ELF1: variants seen among roughly 807,000 people sequenced by gnomAD.
ELF1 encodes ETS-related transcription factor Elf-1.
In ELF1, 24 loss-of-function variants were observed where a neutral mutation model predicts 59.9. The ratio of observed to expected loss-of-function variants is 0.40; its 90% CI spans 0.29 to 0.56. The LOEUF is 0.56. Among genes scored for constraint, ELF1 ranks in the 20% least tolerant of loss-of-function variants. The pLI, the probability that ELF1 is intolerant of heterozygous loss-of-function variation, is 0.44. For missense variants in ELF1, 627 were observed against 742.2 expected, an observed-to-expected ratio of 0.84 and a Z score of 1.80; for synonymous variants, 248 against 266.2, an observed-to-expected ratio of 0.93 and a Z score of 0.67.
chr13:40,977,964 T>C (rs969808620), intron 2 of ELF1, among the ~76,000 whole-genome samples: 1 of 152,180 alleles, frequency 6.6e-6, no homozygotes, highest in African/African-American at 2.4e-5. Flanking sequence ...ATTCAATAAA[T>C]GGTGAAGGGC....
intron 1 of ELF1, among the ~76,000 whole-genome samples, chr13:41,026,515 T>C (rs1304991334): frequency 6.6e-6 from 1 of 152,204 alleles, no homozygotes; most frequent in Non-Finnish European, 1.5e-5. Context: ...CCAATGGTAC[T>C]TGAGGTATCA....
chr13:40,941,219 T>C lies in ELF1; in HGVS notation c.958A>G (p.Thr320Ala), dbSNP rs1566165422. The change falls in exon 8 of 9, where the codon ACT (threonine) becomes GCT (alanine). Residue 320 changes from threonine to alanine, a missense_variant. Around this residue, in one of 3 missense-constraint regions of ELF1, gnomAD observed 361 missense variants for 396.1 expected, o/e 0.91. Coordinates refer to ENST00000239882, the MANE Select transcript of ELF1 (RefSeq NM_172373.4). ...CGGCTGGTTTGATTCCTATTTGAAG[T>C]GGCTGATGAAGATAGCGATGGATCT... ...SSDPSLSSSA[T>A]SNRNQTSRSR... The C allele has an allele frequency of 1.9e-6, 3 of 1,614,218 alleles. No individual in the cohort carries two copies. The highest frequency in any genetic ancestry group is 3.3e-5 in the Admixed American group (2 of 60,026).
At chr13:40,997,250 ATTATT>A (rs1401879494) in intron 1 of ELF1, among the ~76,000 whole-genome samples, 1 of 151,838 alleles carries the variant, frequency 6.6e-6, no homozygotes, top group African/African-American at 2.4e-5. Context: ...TTCTTCATTT[ATTATT>A]TTAATCTTTT....
At position 40,975,998 on chromosome 13, in the gene ELF1, G is replaced by C. The variant is rs146184571; in HGVS notation, c.72+5985C>G. 2.7e-3 allele frequency among the ~76,000 whole-genome samples: 418 copies of C among 152,264 alleles called. 1 individual carries two copies. The highest frequency in any genetic ancestry group is 6.8e-3 in the Middle Eastern group (2 of 294). On this transcript the variant is annotated intron_variant, in intron 2 of 8. Transcript: ENST00000239882. ...TATATGAAAATTTAAGATGGCAAAC[G>C]TGAGACTGATAATAAGCAACATAGA...
chr13:40,955,862 C>G (rs568856884), intron 3 of ELF1, among the ~76,000 whole-genome samples: 3 of 116,612 alleles, frequency 2.6e-5, no homozygotes, highest in African/African-American at 7.3e-5. Context: ...AGAGAGGAGC[C>G]CCTCCGCCCG....
At chr13:40,989,544 ATTT>A (rs1333420999) in intron 1 of ELF1, among the ~76,000 whole-genome samples, 1 of 152,114 alleles carries the variant, frequency 6.6e-6, no homozygotes, top group East Asian at 1.9e-4. Flanking sequence ...GCATTCTTTT[ATTT>A]TTTAATTAAT....
At chr13:41,034,617 A>G (rs1876298021) in intron 1 of ELF1, among the ~76,000 whole-genome samples, 1 of 152,170 alleles carries the variant, frequency 6.6e-6, no homozygotes, top group African/African-American at 2.4e-5. Flanking sequence ...CTAAGATTAT[A>G]TGTTATCTGA....
At chr13:41,059,800 C>T (rs530337723) in intron 1 of ELF1, among the ~76,000 whole-genome samples, 1 of 152,288 alleles carries the variant, frequency 6.6e-6, no homozygotes, top group South Asian at 2.1e-4. Context: ...ACGTCCCCTC[C>T]CCAGTCTCCA....
At chr13:40,936,284 T>C (rs1369471071) in intron 8 of ELF1, among the ~76,000 whole-genome samples, 1 of 151,952 alleles carries the variant, frequency 6.6e-6, no homozygotes, top group Non-Finnish European at 1.5e-5. Flanking sequence ...TAAAGATGAG[T>C]ATTTATTATT....
At chr13:40,939,679 T>C (rs899394442) in intron 8 of ELF1, among the ~76,000 whole-genome samples, 11 of 152,108 alleles carry the variant, frequency 7.2e-5, no homozygotes, top group African/African-American at 1.2e-4. Context: ...ATCTAAAATA[T>C]GAAACTTTTT....
intron 1 of ELF1, among the ~76,000 whole-genome samples, chr13:41,031,818 CAAAA>C (rs3072004): frequency 4.9e-5 from 4 of 82,190 alleles, no homozygotes; most frequent in East Asian, 3.2e-4. Context: ...GACTCCGTGT[CAAAA>C]AAAAAAAAAA....
intron 1 of ELF1, among the ~76,000 whole-genome samples, chr13:41,042,009 A>G (rs1244972198): frequency 6.6e-6 from 1 of 151,970 alleles, no homozygotes; most frequent in East Asian, 1.9e-4. Context: ...TCTATAGGAG[A>G]TATTATTTAT....
At chr13:41,060,926 C>CGCCGCCGCCGCCGCT in exon 1 of ELF1, 1 of 359,226 alleles carries the variant, frequency 2.8e-6, no homozygotes, top group Non-Finnish European at 5.6e-6. Context: ...CCGCCGCCGC[C>CGCCGCCGCCGCCGCT]GCCGCCGCCG....
intron 2 of ELF1, among the ~76,000 whole-genome samples, chr13:40,969,640 C>T (rs553849850): frequency 6.6e-6 from 1 of 152,148 alleles, no homozygotes; most frequent in South Asian, 2.1e-4. Context: ...GTTTTGGTAT[C>T]AGTGTTATGT....
At chr13:40,951,782 G>A (rs4429170) in intron 3 of ELF1, 44,561 of 155,958 alleles carry the variant, frequency 0.29, 8,224 homozygotes, top group Middle Eastern at 0.42. Flanking sequence ...TAGGAGAATC[G>A]TTTGAACCCA....
At chr13:41,022,392 G>C (rs1449045653), upstream of ELF1, among the ~76,000 whole-genome samples, 1 of 152,294 alleles carries the variant, frequency 6.6e-6, no homozygotes, top group East Asian at 1.9e-4. Flanking sequence ...ATCAGTTCTA[G>C]GGGCTGGAAA....
At chr13:41,003,659 A>G (rs1874587671) in intron 1 of ELF1, among the ~76,000 whole-genome samples, 1 of 152,206 alleles carries the variant, frequency 6.6e-6, no homozygotes, top group Non-Finnish European at 1.5e-5. Flanking sequence ...AAAAAGTAAT[A>G]AAGAGAATTA....
intron 8 of ELF1, among the ~76,000 whole-genome samples, chr13:40,935,480 A>G (rs1869701160): frequency 6.6e-6 from 1 of 152,186 alleles, no homozygotes; most frequent in East Asian, 1.9e-4. Context: ...AGATGAAACA[A>G]AGACCCAGAG....
At chr13:40,935,537 A>C (rs1869706925) in intron 8 of ELF1, among the ~76,000 whole-genome samples, 1 of 152,220 alleles carries the variant, frequency 6.6e-6, no homozygotes, top group Admixed American at 6.5e-5. Flanking sequence ...ACACAGGATG[A>C]CTAGAGCCCG....
Sources: gnomAD v4.1 joint callset for allele counts (sites outside exome capture counted in the v4.1 genomes callset) on GRCh38, gnomAD v4.1.1 for gene constraint, gnomAD v4.1.1 regional missense constraint, MANE v1.5 for transcripts, NCBI Gene and HGNC (gene_info 2026-07-23, HGNC 2026-07-21) for gene names.